The following BMP6 variants were observed in gnomAD, a reference collection of about 807,000 sequenced individuals.
BMP6 encodes VG-1-R.
Under a neutral mutation model 54.1 loss-of-function variants are expected in BMP6, and 17 were observed. The observed-to-expected ratio is 0.31, with a 90% CI of 0.22 to 0.47. The LOEUF is 0.47. Ranked by LOEUF, BMP6 falls within the 20% of genes least tolerant of loss-of-function variation. The probability of loss-of-function intolerance (pLI) is 1.00; values close to 1 mark genes in which losing one functional copy is unlikely to be tolerated. For synonymous variants in BMP6, 328 were observed against 291.2 expected, an observed-to-expected ratio of 1.13 and a Z score of -1.28; for missense variants, 720 against 690.4, an observed-to-expected ratio of 1.04 and a Z score of -0.48.
At chr6:7,736,239 T>C (rs1761954023) in intron 1 of BMP6, among the ~76,000 whole-genome samples, 2 of 152,186 alleles carry the variant, frequency 1.3e-5, no homozygotes, top group African/African-American at 4.8e-5. Context: ...GAGATATGAG[T>C]GATTAAATTT....
At chr6:7,863,614 C>T (rs1184716740) in intron 4 of BMP6, among the ~76,000 whole-genome samples, 5 of 152,078 alleles carry the variant, frequency 3.3e-5, no homozygotes, top group Non-Finnish European at 7.4e-5. Flanking sequence ...TGTGCTCACC[C>T]GGGAGCTAAG....
At chr6:7,804,622 G>A (rs972058183) in intron 1 of BMP6, among the ~76,000 whole-genome samples, 2 of 152,142 alleles carry the variant, frequency 1.3e-5, no homozygotes, top group African/African-American at 4.8e-5. Flanking sequence ...CCTATGAATG[G>A]AAAATTCATT....
Position 7,727,070 on chromosome 6 carries a change from G to GCCC in BMP6, c.117_118insCCC (p.Ala39_Gly40insPro), listed in dbSNP as rs1761739985. ...CTTGCCCGCTGCCGCGGCCGCCGCC[G>GCCC]CCGGGGGGCAGCTGCTGGGGGACGG... On this transcript the variant is annotated inframe_insertion, in exon 1 of 7. Transcript: ENST00000283147. The GCCC allele has an allele frequency of 7.5e-5, 92 of 1,230,326 alleles. No individual in the cohort carries two copies. The highest frequency in any genetic ancestry group is 2.2e-4 in the Admixed American group (5 of 22,822). 76.2% of individuals were successfully genotyped at this position (1,230,326 alleles called of 1,614,324 possible). A position where few individuals can be genotyped will look rare whatever the true frequency, so the allele number is the denominator to read the frequency against.
chr6:7,860,872 C>A (rs1403252066), intron 2 of BMP6, among the ~76,000 whole-genome samples: 1 of 152,070 alleles, frequency 6.6e-6, no homozygotes, highest in Non-Finnish European at 1.5e-5. Flanking sequence ...ATGAGCAAAG[C>A]CCAGTTTATA....
chr6:7,741,602 T>G (rs1757257555), intron 1 of BMP6, among the ~76,000 whole-genome samples: 1 of 148,986 alleles, frequency 6.7e-6, no homozygotes, highest in Non-Finnish European at 1.5e-5. Flanking sequence ...TGGCTAGTTG[T>G]TTTAATTTTT....
At chr6:7,791,440 C>T (rs73381622) in intron 1 of BMP6, among the ~76,000 whole-genome samples, 25 of 152,290 alleles carry the variant, frequency 1.6e-4, no homozygotes, top group African/African-American at 5.8e-4. Context: ...TCTGTCACCT[C>T]TACAGTCACT....
At chr6:7,755,423 T>C in intron 1 of BMP6, among the ~76,000 whole-genome samples, 1 of 152,214 alleles carries the variant, frequency 6.6e-6, no homozygotes, top group African/African-American at 2.4e-5. Context: ...ATTTTACCAC[T>C]TCACGTAGAA....
chr6:7,808,493 T>C (rs1758385945), intron 1 of BMP6, among the ~76,000 whole-genome samples: 2 of 152,222 alleles, frequency 1.3e-5, no homozygotes, highest in Admixed American at 1.3e-4. Context: ...CAGTTCTGAA[T>C]TGTCCATTTT....
intron 1 of BMP6, among the ~76,000 whole-genome samples, chr6:7,770,070 T>C (rs1475252243): frequency 6.6e-6 from 1 of 151,564 alleles, no homozygotes; most frequent in African/African-American, 2.4e-5. Context: ...CCTCGCCCCC[T>C]TTTTAAATGC....
chr6:7,855,713 GA>G (rs1170008282), intron 2 of BMP6, among the ~76,000 whole-genome samples: 1 of 151,482 alleles, frequency 6.6e-6, no homozygotes, highest in Non-Finnish European at 1.5e-5. Flanking sequence ...ATTTTTTGTA[GA>G]GGCAGGGTTT....
At chr6:7,800,074 G>C (rs918337096) in intron 1 of BMP6, among the ~76,000 whole-genome samples, 1 of 133,722 alleles carries the variant, frequency 7.5e-6, no homozygotes, top group African/African-American at 3.1e-5. Flanking sequence ...TACGATAAAG[G>C]AAGGGGTGTG....
At chr6:7,842,285 G>A (rs999783597) in intron 1 of BMP6, among the ~76,000 whole-genome samples, 2 of 152,196 alleles carry the variant, frequency 1.3e-5, no homozygotes, top group African/African-American at 4.8e-5. Context: ...GCTGAGTCAT[G>A]CAAAGGACAT....
At chr6:7,826,190 C>T (rs1480691623) in intron 1 of BMP6, among the ~76,000 whole-genome samples, 1 of 152,174 alleles carries the variant, frequency 6.6e-6, no homozygotes, top group Non-Finnish European at 1.5e-5. Context: ...GTTGGGTGGA[C>T]TTTGTCCTTG....
intron 1 of BMP6, among the ~76,000 whole-genome samples, chr6:7,752,119 G>T (rs1372758077): frequency 6.6e-6 from 1 of 152,174 alleles, no homozygotes; most frequent in Non-Finnish European, 1.5e-5. Flanking sequence ...AGCAGGAGTT[G>T]GAACATTTTT....
intron 1 of BMP6, among the ~76,000 whole-genome samples, chr6:7,770,016 G>A (rs1043583452): frequency 3.3e-5 from 5 of 152,090 alleles, no homozygotes; most frequent in Non-Finnish European, 7.4e-5. Context: ...AGTCAGATGA[G>A]GTTGCCTATG....
chr6:7,781,348 T>C (rs1360591354), intron 1 of BMP6, among the ~76,000 whole-genome samples: 2 of 142,942 alleles, frequency 1.4e-5, no homozygotes, highest in Non-Finnish European at 3.3e-5. Flanking sequence ...ACCATGCCAC[T>C]GTCTCTGTCA....
Position 7,759,696 on chromosome 6 carries a change from C to CTTTTTTTTTTTTTT in BMP6, c.664+32088_664+32101dup, listed in dbSNP as rs71542880. On this transcript the variant is annotated intron_variant, in intron 1 of 6. Transcript: ENST00000283147. Reference sequence around the variant, plus strand: ...TTTAAAGACTAATTTCTTTCTTCTTCTTTTTTTTTTTTTTTTTTTTTTTTG... The same window carrying CTTTTTTTTTTTTTT: ...TTTAAAGACTAATTTCTTTCTTCTTCTTTTTTTTTTTTTTTTTTTTTTTTTTTTTTTTTTTTTTG... Among the ~76,000 whole-genome samples, 36 of 62,154 alleles carry CTTTTTTTTTTTTTT rather than the reference C, an allele frequency of 5.8e-4. 2 individuals are homozygous for CTTTTTTTTTTTTTT. Among genetic ancestry groups the CTTTTTTTTTTTTTT allele is most frequent in the African/African-American group, 7.9e-4 (8 of 10,156 alleles). The allele number at this position is 62,154 out of a possible 152,430, so 40.8% of individuals were successfully genotyped here. A position where few individuals can be genotyped will look rare whatever the true frequency, so the allele number is the denominator to read the frequency against.
chr6:7,767,262 C>T (rs749113689), intron 1 of BMP6, among the ~76,000 whole-genome samples: 1 of 152,222 alleles, frequency 6.6e-6, no homozygotes, highest in African/African-American at 2.4e-5. Flanking sequence ...GCATGAGTCA[C>T]AGCGCCTGGC....
At chr6:7,734,646 GT>G (rs1189378661) in intron 1 of BMP6, among the ~76,000 whole-genome samples, 1 of 152,188 alleles carries the variant, frequency 6.6e-6, no homozygotes, top group Non-Finnish European at 1.5e-5. Context: ...CCAAAGAATT[GT>G]TTTCTGCTCC....
Sources: gnomAD v4.1 joint callset for allele counts (sites outside exome capture counted in the v4.1 genomes callset) on GRCh38, gnomAD v4.1.1 for gene constraint, MANE v1.5 for transcripts, NCBI Gene and HGNC (gene_info 2026-07-23, HGNC 2026-07-21) for gene names.